ZFAND3: variants seen among roughly 807,000 people sequenced by gnomAD.
ZFAND3 encodes the protein zinc finger AN1-type containing 3.
ZFAND3 carries 10 observed loss-of-function variants against 29.6 expected under a neutral mutation model. That is an observed-to-expected ratio of 0.34 (90% confidence interval 0.21 to 0.57). The LOEUF is 0.57. ZFAND3 is among the 20% of genes least tolerant of loss of function. ZFAND3 has a pLI of 0.86. For synonymous variants in ZFAND3, 128 were observed against 112.6 expected, an observed-to-expected ratio of 1.14 and a Z score of -0.87; for missense variants, 230 against 304.5, an observed-to-expected ratio of 0.76 and a Z score of 1.82.
At chr6:37,869,681 A>C (rs1764656314) in intron 1 of ZFAND3, among the ~76,000 whole-genome samples, 1 of 149,888 alleles carries the variant, frequency 6.7e-6, no homozygotes, top group Admixed American at 6.6e-5. Flanking sequence ...GCTATTAAAA[A>C]AATTTTTTTT....
At position 37,820,023 on chromosome 6, in the gene ZFAND3, G is replaced by A; in HGVS notation, c.71+7G>A. The A allele has an allele frequency of 8.6e-7, 1 of 1,168,442 alleles. No individual in the cohort carries two copies. The highest frequency in any genetic ancestry group is 1.1e-6 in the Non-Finnish European group (1 of 936,776). The allele number at this position is 1,168,442 out of a possible 1,614,324, so 72.4% of individuals were successfully genotyped here. A position where few individuals can be genotyped will look rare whatever the true frequency, so the allele number is the denominator to read the frequency against. The stretch of plus-strand genomic sequence containing the variant: ...GTCCCTGCGGCTTCTGGGGGTAAGT[G>A]CCCGGCCGGGTGGGGGCGGGGGGCG... On this transcript the variant is annotated splice_region_variant and intron_variant, in intron 1 of 5. Coordinates refer to ENST00000287218, the MANE Select transcript of ZFAND3 (RefSeq NM_021943.3).
chr6:37,936,938 A>C (rs1391164314), intron 2 of ZFAND3, among the ~76,000 whole-genome samples: 2 of 152,250 alleles, frequency 1.3e-5, no homozygotes, highest in African/African-American at 4.8e-5. Context: ...CCAAAATGCT[A>C]ACATTTTTCT....
At chr6:37,829,132 C>T (rs750516341) in intron 1 of ZFAND3, among the ~76,000 whole-genome samples, 1 of 151,908 alleles carries the variant, frequency 6.6e-6, no homozygotes, top group African/African-American at 2.4e-5. Context: ...TATTCTCTTA[C>T]GAAGTGGAGA....
chr6:37,898,803 C>CT (rs1765265316), intron 1 of ZFAND3, among the ~76,000 whole-genome samples: 1 of 152,158 alleles, frequency 6.6e-6, no homozygotes, highest in African/African-American at 2.4e-5. Context: ...AGTGACCTTG[C>CT]TAAATTCATT....
chr6:37,918,239 C>T (rs907466771), intron 1 of ZFAND3, among the ~76,000 whole-genome samples: 1 of 152,022 alleles, frequency 6.6e-6, no homozygotes, highest in Admixed American at 6.6e-5. Flanking sequence ...ACCACGCTGG[C>T]TAATTTTTTG....
chr6:38,139,668 C>T (rs1001477630), intron 5 of ZFAND3, among the ~76,000 whole-genome samples: 3 of 152,066 alleles, frequency 2.0e-5, no homozygotes, highest in Non-Finnish European at 4.4e-5. Flanking sequence ...CAGTGGAGCA[C>T]GGTAATCACA....
intron 2 of ZFAND3, among the ~76,000 whole-genome samples, chr6:38,021,210 TC>T (rs142063360): frequency 0.068 from 10,372 of 152,182 alleles, 426 homozygotes; most frequent in Non-Finnish European, 0.087. Context: ...GAAATGAAAA[TC>T]TGTTAGATTA....
At chr6:38,044,769 T>C (rs1241727522) in intron 2 of ZFAND3, among the ~76,000 whole-genome samples, 2 of 152,196 alleles carry the variant, frequency 1.3e-5, no homozygotes, top group Non-Finnish European at 2.9e-5. Context: ...GTTTTGGGGC[T>C]GTTTGTGCGG....
intron 2 of ZFAND3, among the ~76,000 whole-genome samples, chr6:38,053,133 A>C: frequency 6.6e-6 from 1 of 152,120 alleles, no homozygotes; most frequent in East Asian, 1.9e-4. Context: ...TGGCTAAAGC[A>C]AGGAGAGGGA....
At chr6:38,120,640 A>G (rs1237421919) in intron 5 of ZFAND3, among the ~76,000 whole-genome samples, 9 of 152,020 alleles carry the variant, frequency 5.9e-5, no homozygotes, top group Non-Finnish European at 1.3e-4. Context: ...TGGCTTCTTA[A>G]TCACTGTGCA....
At chr6:38,008,554 C>G (rs1021221417) in intron 2 of ZFAND3, among the ~76,000 whole-genome samples, 3 of 152,136 alleles carry the variant, frequency 2.0e-5, no homozygotes, top group African/African-American at 7.2e-5. Context: ...CTATTTAAAG[C>G]TAGAATTTTG....
intron 4 of ZFAND3, among the ~76,000 whole-genome samples, chr6:38,107,476 G>C (rs1433771501): frequency 6.6e-6 from 1 of 152,138 alleles, no homozygotes; most frequent in Admixed American, 6.5e-5. Context: ...GGCTTGTCAG[G>C]TGCCTGCTGG....
chr6:37,820,191 G>C (rs1044765117), intron 1 of ZFAND3, among the ~76,000 whole-genome samples, 175 bp downstream of exon 1: 1 of 152,028 alleles, frequency 6.6e-6, no homozygotes, highest in African/African-American at 2.4e-5. Flanking sequence ...TGGGGAGCTG[G>C]GGGTGGGCAG....
chr6:37,877,464 A>G (rs1428731537), intron 1 of ZFAND3, among the ~76,000 whole-genome samples: 7 of 152,186 alleles, frequency 4.6e-5, no homozygotes, highest in Non-Finnish European at 8.8e-5. Flanking sequence ...TACAGTAGTA[A>G]TAGAGGAGAT....
chr6:37,969,760 A>AT (rs990131592), intron 2 of ZFAND3, among the ~76,000 whole-genome samples: 14 of 151,576 alleles, frequency 9.2e-5, no homozygotes, highest in Non-Finnish European at 1.6e-4. Context: ...ATTTGCTTTA[A>AT]TTTTTTTTTC....
intron 2 of ZFAND3, among the ~76,000 whole-genome samples, chr6:37,937,653 CAA>C (rs71542151): frequency 1.2e-3 from 101 of 85,500 alleles, no homozygotes; most frequent in Admixed American, 2.4e-3. Flanking sequence ...GACTCCGTCT[CAA>C]AAAAAAAAAA....
intron 1 of ZFAND3, among the ~76,000 whole-genome samples, chr6:37,855,015 A>C (rs1031561511): frequency 9.5e-6 from 1 of 105,362 alleles, no homozygotes; most frequent in African/African-American, 3.6e-5. Context: ...TTGCTGGATT[A>C]TGGTATGGTT....
chr6:37,928,163 A>T (rs1368772149), intron 1 of ZFAND3, among the ~76,000 whole-genome samples: 1 of 152,176 alleles, frequency 6.6e-6, no homozygotes, highest in Non-Finnish European at 1.5e-5. Context: ...GGAAAGAAAT[A>T]ATGACCCCCT....
intron 1 of ZFAND3, among the ~76,000 whole-genome samples, chr6:37,822,860 G>A (rs753597684): frequency 6.6e-6 from 1 of 152,148 alleles, no homozygotes; most frequent in Non-Finnish European, 1.5e-5. Context: ...GATAGATTGT[G>A]AAGGGGGATC....
Sources: allele counts gnomAD v4.1 joint callset (sites outside exome capture counted in the v4.1 genomes callset), GRCh38; gene constraint gnomAD v4.1.1; transcripts MANE v1.5; gene names NCBI Gene and HGNC (gene_info 2026-07-23, HGNC 2026-07-21).